ENOX1: variants seen among roughly 807,000 people sequenced by gnomAD.
ENOX1 encodes the protein candidate growth-related and time keeping constitutive hydroquinone (NADH) oxidase.
A neutral mutation model predicts 82.5 loss-of-function variants in ENOX1; 42 were observed. The observed-to-expected ratio is 0.51, with a 90% confidence interval of 0.40 to 0.66. The LOEUF is 0.66. Ranked by LOEUF, ENOX1 falls within the 30% of genes least tolerant of loss-of-function variation. The pLI, the probability that ENOX1 is intolerant of heterozygous loss-of-function variation, is 0.00. For missense variants in ENOX1, 608 were observed against 811.6 expected, an observed-to-expected ratio of 0.75 and a Z score of 3.05; for synonymous variants, 271 against 282.2, an observed-to-expected ratio of 0.96 and a Z score of 0.40.
At chr13:43,430,922 C>G (rs1391382256) in intron 3 of ENOX1, among the ~76,000 whole-genome samples, 1 of 152,084 alleles carries the variant, frequency 6.6e-6, no homozygotes, top group African/African-American at 2.4e-5. Flanking sequence ...TGTCCTTTTG[C>G]ATTGTGTGGA....
intron 1 of ENOX1, among the ~76,000 whole-genome samples, chr13:43,745,452 T>C (rs994057077): frequency 6.6e-5 from 10 of 152,206 alleles, no homozygotes; most frequent in African/African-American, 4.8e-5. Context: ...AACGTTAGAA[T>C]TGTGGACATA....
At chr13:43,587,004 T>C (rs1593963934) in intron 2 of ENOX1, among the ~76,000 whole-genome samples, 2 of 150,962 alleles carry the variant, frequency 1.3e-5, no homozygotes, top group South Asian at 2.1e-4. Flanking sequence ...AACCAGGGAG[T>C]TGGAGGTTGC....
At chr13:43,548,584 A>C (rs2079063894) in intron 2 of ENOX1, among the ~76,000 whole-genome samples, 2 of 152,172 alleles carry the variant, frequency 1.3e-5, no homozygotes, top group South Asian at 4.1e-4. Context: ...AAACACAACG[A>C]AACTTCTTCT....
At chr13:43,439,024 C>G (rs936401850) in intron 3 of ENOX1, among the ~76,000 whole-genome samples, 1 of 148,968 alleles carries the variant, frequency 6.7e-6, no homozygotes, top group Non-Finnish European at 1.5e-5. Flanking sequence ...ACTAAATGAA[C>G]TTTCCTGTCT....
At chr13:43,782,900 G>A (rs1003186191) in intron 1 of ENOX1, among the ~76,000 whole-genome samples, 2 of 152,032 alleles carry the variant, frequency 1.3e-5, no homozygotes, top group African/African-American at 4.8e-5. Context: ...CCACTAACAG[G>A]CATTAGGTAA....
At chr13:43,483,457 C>T (rs1280987560) in intron 3 of ENOX1, among the ~76,000 whole-genome samples, 1 of 152,158 alleles carries the variant, frequency 6.6e-6, no homozygotes. Flanking sequence ...TGTTAATACA[C>T]ATACACACAC....
chr13:43,608,638 C>T (rs2082069907), intron 2 of ENOX1, among the ~76,000 whole-genome samples: 1 of 152,164 alleles, frequency 6.6e-6, no homozygotes, highest in Admixed American at 6.6e-5. Context: ...CTTCTGCCAT[C>T]TCAAATTGGG....
intron 2 of ENOX1, among the ~76,000 whole-genome samples, chr13:43,581,380 C>T (rs1023005228): frequency 2.4e-4 from 37 of 152,088 alleles, no homozygotes; most frequent in African/African-American, 8.4e-4. Flanking sequence ...GATCCGCCCG[C>T]CTCAGCCTCC....
At chr13:43,452,852 C>G (rs778862697) in intron 3 of ENOX1, among the ~76,000 whole-genome samples, 8 of 152,140 alleles carry the variant, frequency 5.3e-5, no homozygotes, top group Admixed American at 3.3e-4. Context: ...CTCCATTGTA[C>G]CCCATTGTTT....
At chr13:43,461,297 A>G (rs1166450384) in intron 3 of ENOX1, among the ~76,000 whole-genome samples, 1 of 152,236 alleles carries the variant, frequency 6.6e-6, no homozygotes, top group Non-Finnish European at 1.5e-5. Context: ...TATTACATGC[A>G]AGTTTCTACT....
At chr13:43,739,087 C>T (rs2089771178) in intron 1 of ENOX1, among the ~76,000 whole-genome samples, 1 of 152,162 alleles carries the variant, frequency 6.6e-6, no homozygotes, top group Non-Finnish European at 1.5e-5. Context: ...ACTAGCTAAT[C>T]AGATTAATTG....
chr13:43,593,548 T>A (rs1384286684), intron 2 of ENOX1, among the ~76,000 whole-genome samples: 2 of 151,328 alleles, frequency 1.3e-5, no homozygotes, highest in African/African-American at 4.9e-5. Flanking sequence ...GGTTATGGAG[T>A]GTTCGTACTC....
intron 2 of ENOX1, among the ~76,000 whole-genome samples, chr13:43,573,242 T>C (rs760631245): frequency 5.9e-5 from 9 of 152,182 alleles, no homozygotes; most frequent in Non-Finnish European, 1.3e-4. Flanking sequence ...ATTTTTCTTA[T>C]CTCAGTGACT....
chr13:43,659,943 T>C (rs1317337921), intron 2 of ENOX1, among the ~76,000 whole-genome samples: 7 of 152,198 alleles, frequency 4.6e-5, no homozygotes, highest in Non-Finnish European at 8.8e-5. Context: ...TTCCTGATAC[T>C]TCTCAATCCA....
intron 16 of ENOX1, 54 bp from the exon 17 acceptor site, chr13:43,214,175 G>A: frequency 6.3e-7 from 1 of 1,579,744 alleles, no homozygotes; most frequent in Non-Finnish European, 8.6e-7. Flanking sequence ...CTTAAAGGAG[G>A]AATGGATTGG....
intron 2 of ENOX1, among the ~76,000 whole-genome samples, chr13:43,569,708 G>C (rs1014744297): frequency 1.3e-5 from 2 of 150,246 alleles, no homozygotes; most frequent in Non-Finnish European, 3.0e-5. Context: ...CTGCTGTTTT[G>C]CTCAGCTTCA....
chr13:43,637,853 C>T (rs574216661), intron 2 of ENOX1, among the ~76,000 whole-genome samples: 1 of 152,104 alleles, frequency 6.6e-6, no homozygotes, highest in Non-Finnish European at 1.5e-5. Flanking sequence ...CAGGATTTCA[C>T]AAAGTTGAGA....
intron 8 of ENOX1, among the ~76,000 whole-genome samples, chr13:43,351,473 T>C (rs1018332921): frequency 1.3e-5 from 2 of 150,114 alleles, no homozygotes; most frequent in Non-Finnish European, 3.0e-5. Flanking sequence ...ATGTGCACAT[T>C]GTGCAGGTTA....
chr13:43,652,547 T>A (rs1200874058), intron 2 of ENOX1, among the ~76,000 whole-genome samples: 1 of 152,168 alleles, frequency 6.6e-6, no homozygotes, highest in Non-Finnish European at 1.5e-5. Context: ...GAGGATAAAG[T>A]GGTCCATAGG....
Sources: allele counts gnomAD v4.1 joint callset (sites outside exome capture counted in the v4.1 genomes callset), GRCh38; gene constraint gnomAD v4.1.1; transcripts MANE v1.5; gene names NCBI Gene and HGNC (gene_info 2026-07-23, HGNC 2026-07-21).